The following PIAS2 variants were observed in gnomAD, a reference collection of about 807,000 sequenced individuals.
PIAS2 encodes E3 SUMO-protein ligase PIAS2.
In PIAS2, 19 loss-of-function variants were observed where a neutral mutation model predicts 69.7. That is an observed-to-expected ratio of 0.27 (90% CI 0.19 to 0.40). PIAS2 has a LOEUF of 0.40. PIAS2 is among the 10% of genes least tolerant of loss of function. The probability of loss-of-function intolerance (pLI) is 1.00; values close to 1 mark genes in which losing one functional copy is unlikely to be tolerated. For missense variants in PIAS2, 624 were observed against 757.0 expected, an observed-to-expected ratio of 0.82 and a Z score of 2.06; for synonymous variants, 261 against 263.2, an observed-to-expected ratio of 0.99 and a Z score of 0.08.
intron 3 of PIAS2, among the ~76,000 whole-genome samples, chr18:46,858,987 T>A (rs2048250077): frequency 6.6e-6 from 1 of 152,050 alleles, no homozygotes; most frequent in Non-Finnish European, 1.5e-5. Context: ...GCTGAGAAAG[T>A]GAGGTTTAGT....
chr18:46,847,847 C>T (rs1486344611), intron 5 of PIAS2, among the ~76,000 whole-genome samples: 1 of 152,096 alleles, frequency 6.6e-6, no homozygotes, highest in African/African-American at 2.4e-5. Flanking sequence ...TCCCAATTAC[C>T]GCAAGACTTC....
At chr18:46,815,979 T>C (rs1159613863) in intron 12 of PIAS2, 21 of 985,218 alleles carry the variant, frequency 2.1e-5, no homozygotes, top group Non-Finnish European at 2.4e-5. Flanking sequence ...GAAAGAGGAA[T>C]GTGTAAAAGG....
chr18:46,912,383 T>C lies in PIAS2; in HGVS notation c.24+4939A>G, dbSNP rs143906168. On this transcript the variant is annotated intron_variant, in intron 1 of 13. Transcript: ENST00000585916. ...AAATGCTATGAAATGGTTGTTATAC[T>C]ATACTGTTTAGGAAATACTGACAAG... 3.1e-3 allele frequency among the ~76,000 whole-genome samples: 473 copies of C among 152,332 alleles called. 4 individuals carry two copies. The highest frequency in any genetic ancestry group is 0.014 in the Middle Eastern group (4 of 294).
chr18:46,827,319 A>G (rs926559699), intron 11 of PIAS2: 1 of 152,162 alleles, frequency 6.6e-6, no homozygotes, highest in African/African-American at 2.4e-5. Flanking sequence ...GCAGGTCAGT[A>G]ATGCCTTCTG....
At chr18:46,884,560 C>A (rs1253614840) in intron 2 of PIAS2, among the ~76,000 whole-genome samples, 1 of 152,056 alleles carries the variant, frequency 6.6e-6, no homozygotes, top group African/African-American at 2.4e-5. Flanking sequence ...ATCCGCCCAC[C>A]TCGGCCTCCC....
In PIAS2 at chr18:46,811,320, G is replaced by T. The variant is rs2040988676; in HGVS notation, c.*1113C>A. Reference sequence around the variant, plus strand: ...TTCCCTAAGTTTGAAAATCACTGCTGAGACTGAAATTACATTGGTGAGAAA... The same window carrying T: ...TTCCCTAAGTTTGAAAATCACTGCTTAGACTGAAATTACATTGGTGAGAAA... On this transcript the variant is annotated 3_prime_UTR_variant, in exon 14 of 14. Coordinates refer to ENST00000585916, the MANE Select transcript of PIAS2 (RefSeq NM_004671.5). 1 of 150,756 alleles carries T rather than the reference G, an allele frequency of 6.6e-6. No homozygotes were observed. The highest frequency in any genetic ancestry group is 2.4e-5 in the African/African-American group (1 of 41,036). The allele number at this position is 150,756 out of a possible 1,614,324, so 9.3% of individuals were successfully genotyped here.
At chr18:46,819,979 A>T (rs999698546) in intron 12 of PIAS2, among the ~76,000 whole-genome samples, 1 of 152,168 alleles carries the variant, frequency 6.6e-6, no homozygotes, top group African/African-American at 2.4e-5. Flanking sequence ...ACCTGTGGTC[A>T]ACTGCAGTCA....
At chr18:46,909,824 G>A (rs190506615) in intron 1 of PIAS2, among the ~76,000 whole-genome samples, 1 of 152,130 alleles carries the variant, frequency 6.6e-6, no homozygotes, top group Non-Finnish European at 1.5e-5. Flanking sequence ...AGACAAGTTT[G>A]GTGAAACTTT....
At chr18:46,846,586 T>C in intron 6 of PIAS2, 121 bp downstream of exon 6, 1 of 992,030 alleles carries the variant, frequency 1.0e-6, no homozygotes, top group African/African-American at 1.7e-5. Context: ...TGAAAATTAC[T>C]GCTTTTTAGA....
chr18:46,851,833 T>A (rs2047013577), intron 5 of PIAS2, among the ~76,000 whole-genome samples: 1 of 152,204 alleles, frequency 6.6e-6, no homozygotes, highest in South Asian at 2.1e-4. Context: ...CCATAAAGAC[T>A]GGGTATTACA....
chr18:46,883,796 T>G (rs1408070139), intron 2 of PIAS2, among the ~76,000 whole-genome samples: 2 of 152,110 alleles, frequency 1.3e-5, no homozygotes, highest in Non-Finnish European at 2.9e-5. Context: ...GAGCCAAGAT[T>G]GTACACTCTA....
intron 2 of PIAS2, among the ~76,000 whole-genome samples, chr18:46,885,648 C>A (rs1277811758): frequency 6.6e-6 from 1 of 151,850 alleles, no homozygotes; most frequent in Admixed American, 6.6e-5. Flanking sequence ...CGCGCCACTG[C>A]ACTCCAGCCT....
chr18:46,871,592 C>T (rs2050368054), intron 2 of PIAS2, among the ~76,000 whole-genome samples: 1 of 152,136 alleles, frequency 6.6e-6, no homozygotes, highest in Non-Finnish European at 1.5e-5. Flanking sequence ...ACCAAGAGCC[C>T]TTGATAAACT....
intron 1 of PIAS2, among the ~76,000 whole-genome samples, chr18:46,908,835 C>T (rs1425986240): frequency 2.0e-5 from 3 of 152,026 alleles, no homozygotes; most frequent in African/African-American, 7.2e-5. Context: ...ATGGTGAAAC[C>T]CCGTCTCTAT....
rs766086235 is a variant in PIAS2, at chr18:46,864,208, A to C, written c.540T>G (p.Ile180Met). Residue 180 changes from isoleucine (I) to methionine (M), a missense_variant, in exon 3 of 14, where the codon ATT (isoleucine) becomes ATG (methionine). This residue lies in a region of PIAS2 where 339 missense variants were observed against 408.8 expected (regional missense o/e 0.83). Coordinates refer to ENST00000585916, the MANE Select transcript of PIAS2 (RefSeq NM_004671.5). Reference protein sequence around the residue: ...SIQRFQEKFFIFALTPQQVRE... With the variant: ...SIQRFQEKFFMFALTPQQVRE... ...TAACTTGTTGAGGTGTCAAAGCAAA[A>C]ATAAAAAACTTCTCTTGAAATCGCT... 45 of 1,599,198 alleles carry C rather than the reference A, an allele frequency of 2.8e-5. No homozygotes were observed. The highest frequency in any genetic ancestry group is 5.4e-5 in the African/African-American group (4 of 73,960).
At chr18:46,883,821 G>T (rs1024439719) in intron 2 of PIAS2, among the ~76,000 whole-genome samples, 3 of 152,080 alleles carry the variant, frequency 2.0e-5, no homozygotes, top group African/African-American at 7.2e-5. Context: ...GGGCAATTAA[G>T]TGACCCTCTC....
intron 6 of PIAS2, among the ~76,000 whole-genome samples, chr18:46,845,162 C>A (rs1281777335): frequency 2.0e-5 from 3 of 152,202 alleles, no homozygotes; most frequent in Admixed American, 2.0e-4. Flanking sequence ...GAAAATGTAC[C>A]CTCCTATGAC....
intron 1 of PIAS2, chr18:46,906,316 C>T (rs1163622774): frequency 1.3e-5 from 2 of 150,914 alleles, no homozygotes; most frequent in Non-Finnish European, 2.9e-5. Flanking sequence ...ACTGGAGATC[C>T]TAGCCAGCAC....
chr18:46,849,506 C>A lies in PIAS2; in HGVS notation c.727-2665G>T, dbSNP rs182354795. On this transcript the variant is annotated intron_variant, in intron 5 of 13. Transcript: ENST00000585916. ...GGAACCAGTGGGGCAAATATGCGAG[C>A]TTTCTAAGCAAAGGCCACTGGACAG... 3.8e-3 allele frequency among the ~76,000 whole-genome samples: 577 copies of A among 152,228 alleles called. 3 individuals carry two copies. The highest frequency in any genetic ancestry group is 6.4e-3 in the Non-Finnish European group (438 of 68,010).
Sources: gnomAD v4.1 joint callset for allele counts (sites outside exome capture counted in the v4.1 genomes callset) on GRCh38, gnomAD v4.1.1 for gene constraint, gnomAD v4.1.1 regional missense constraint, MANE v1.5 for transcripts, NCBI Gene and HGNC (gene_info 2026-07-23, HGNC 2026-07-21) for gene names.